GON4L: variants seen among roughly 807,000 people sequenced by gnomAD.
GON4L encodes the protein gon-4 like.
GON4L carries 87 observed loss-of-function variants against 211.8 expected under a neutral mutation model. That is an observed-to-expected ratio of 0.41 (90% CI 0.35 to 0.49). The LOEUF is 0.49. Ranked by LOEUF, GON4L falls within the 20% of genes least tolerant of loss-of-function variation. The probability of loss-of-function intolerance (pLI) is 0.15; values close to 1 mark genes in which losing one functional copy is unlikely to be tolerated. For missense variants in GON4L, 2,155 were observed against 2,659.5 expected (o/e 0.81, Z 4.17); for synonymous variants, 875 against 962.6 (o/e 0.91, Z 1.68).
intron 11 of GON4L, among the ~76,000 whole-genome samples, chr1:155,802,991 T>G (rs1666814070): frequency 6.6e-6 from 1 of 152,110 alleles, no homozygotes; most frequent in Non-Finnish European, 1.5e-5. Context: ...ATTGTGAACC[T>G]AACAATGGGC....
At chr1:155,811,385 C>T (rs1667748477) in intron 10 of GON4L, among the ~76,000 whole-genome samples, 1 of 85,526 alleles carries the variant, frequency 1.2e-5, no homozygotes, top group African/African-American at 4.8e-5. Context: ...GAGCAAGACT[C>T]CGTCTCAAAA....
At chr1:155,794,376 A>T (rs1314117964) in intron 12 of GON4L, among the ~76,000 whole-genome samples, 1 of 152,008 alleles carries the variant, frequency 6.6e-6, no homozygotes, top group African/African-American at 2.4e-5. Context: ...CCGCCCTTAA[A>T]CCTCATTTTG....
chr1:155,750,823 G>A, intron 31 of GON4L, 90 bp from the exon 32 acceptor site: 1 of 1,277,074 alleles, frequency 7.8e-7, no homozygotes, highest in South Asian at 1.3e-5. Flanking sequence ...GAGTGCAGTG[G>A]CACTGTGTCA....
At chr1:155,824,762 C>CAA (rs58791710) in intron 3 of GON4L, among the ~76,000 whole-genome samples, 13 of 52,058 alleles carry the variant, frequency 2.5e-4, no homozygotes, top group East Asian at 7.2e-4. Flanking sequence ...GACTCTGTCG[C>CAA]AAAAAAAAAA....
At chr1:155,768,372 A>G (rs60985822) in intron 19 of GON4L, among the ~76,000 whole-genome samples, 2,161 of 146,934 alleles carry the variant, frequency 0.015, 61 homozygotes, top group African/African-American at 0.052. Flanking sequence ...GCACTTTGGG[A>G]GGTTGAGGTG....
At chr1:155,761,312 C>T (rs1033257287) in intron 23 of GON4L, among the ~76,000 whole-genome samples, 1 of 150,420 alleles carries the variant, frequency 6.6e-6, no homozygotes, top group Non-Finnish European at 1.5e-5. Context: ...TCCCAAAGTA[C>T]CTAGGACCAC....
downstream of GON4L, chr1:155,748,117 T>C: frequency 6.2e-7 from 1 of 1,600,304 alleles, no homozygotes; most frequent in South Asian, 1.1e-5. Context: ...TTCCCTTACC[T>C]GCATTATGAT....
upstream of GON4L, among the ~76,000 whole-genome samples, chr1:155,859,105 C>CA (rs1232406779): frequency 7.4e-5 from 11 of 148,588 alleles, no homozygotes; most frequent in East Asian, 3.9e-4. Flanking sequence ...AAATATAAGC[C>CA]AAAAAAAAAA....
intron 10 of GON4L, among the ~76,000 whole-genome samples, chr1:155,811,115 A>C (rs1248712613): frequency 6.6e-6 from 1 of 152,132 alleles, no homozygotes. Flanking sequence ...AAATCAGGCC[A>C]AGCGTGGTGG....
chr1:155,782,090 C>A (rs1251475566), intron 14 of GON4L, among the ~76,000 whole-genome samples: 1 of 152,194 alleles, frequency 6.6e-6, no homozygotes, highest in East Asian at 1.9e-4. Flanking sequence ...ACTTGGATAA[C>A]TGACAAGGGA....
intron 10 of GON4L, among the ~76,000 whole-genome samples, chr1:155,808,515 A>AATG (rs1428870233): frequency 6.6e-6 from 1 of 152,146 alleles, no homozygotes. Flanking sequence ...AGCGACTTAG[A>AATG]ATGTGCTGTT....
At position 155,762,329 on chromosome 1, in the gene GON4L, G is replaced by A; in HGVS notation, c.4772C>T (p.Ala1591Val). The A allele has an allele frequency of 1.9e-6, 3 of 1,613,652 alleles. No homozygotes were observed. Among genetic ancestry groups the A allele is most frequent in the Non-Finnish European group, 2.5e-6 (3 of 1,179,628 alleles). ...AGCCCGACTTCCCCGCTTGTTGCGA[G>A]CTCGATGATTGTTCCGGCCTTTTCC... is the stretch of plus-strand genomic sequence containing the variant. ...AAGKGRNNHR[A>V]RNKRGSRARA... is the part of the protein sequence containing the mutation. Residue 1591 changes from alanine to valine, a missense_variant, in exon 23 of 32, where the codon GCT becomes GTT. By Grantham distance (64) the Ala-to-Val change is moderately conservative. Around this residue, in one of 6 missense-constraint regions of GON4L, gnomAD observed 455 missense variants for 504.6 expected, o/e 0.90. Transcript: ENST00000368331.
At chr1:155,750,773 T>C in intron 31 of GON4L, 40 bp from the exon 32 acceptor site, 1 of 1,549,546 alleles carries the variant, frequency 6.5e-7, no homozygotes, top group South Asian at 1.2e-5. Context: ...GTCTTTTTTT[T>C]TTGTTTTTGA....
At chr1:155,763,589 T>C in intron 21 of GON4L, 25 bp from the exon 22 acceptor site, 1 of 1,520,312 alleles carries the variant, frequency 6.6e-7, no homozygotes, top group African/African-American at 1.4e-5. Flanking sequence ...AAAGAGTACT[T>C]ATAATGGCTC....
intron 12 of GON4L, among the ~76,000 whole-genome samples, chr1:155,793,658 G>C (rs531773314): frequency 1.3e-5 from 2 of 152,268 alleles, no homozygotes; most frequent in South Asian, 2.1e-4. Context: ...ACCAAGGCTG[G>C]AGTGCAGTGG....
chr1:155,822,538 GA>G, intron 3 of GON4L, 62 bp from the exon 4 acceptor site: 1 of 1,237,244 alleles, frequency 8.1e-7, no homozygotes, highest in Non-Finnish European at 1.2e-6. Flanking sequence ...ACTTAGCCCA[GA>G]AAGCCAACAG....
intron 2 of GON4L, among the ~76,000 whole-genome samples, chr1:155,835,920 C>T (rs1670249444): frequency 6.6e-6 from 1 of 152,172 alleles, no homozygotes; most frequent in African/African-American, 2.4e-5. Flanking sequence ...CCAAAAGGAA[C>T]TGAGGGAGAC....
In GON4L at chr1:155,822,670, T is replaced by C. The variant is rs114067152; in HGVS notation, c.698-194A>G. Among the ~76,000 whole-genome samples the C allele has an allele frequency of 5.8e-3, 890 of 152,224 alleles. 14 individuals carry two copies. The highest frequency in any genetic ancestry group is 0.021 in the African/African-American group (870 of 41,522). On this transcript the variant is annotated intron_variant, in intron 3 of 31. Coordinates refer to ENST00000368331, the MANE Select transcript of GON4L (RefSeq NM_001282860.2). ...CATAGAAGATGCAAAACTATGGAAA[T>C]AGAAATCAGTGCTTGCCAATGTTTG...
In GON4L at chr1:155,751,651, C is replaced by G. The variant is rs1660599782; in HGVS notation, c.6576+116G>C. The G allele has an allele frequency of 8.3e-6, 6 of 723,022 alleles. No individual in the cohort carries two copies. In the South Asian group the frequency reaches 9.9e-5, roughly 12 times the overall value. The allele number at this position is 723,022 out of a possible 1,614,324, so 44.8% of individuals were successfully genotyped here. Reference sequence around the variant, plus strand: ...GAGTCAAGCCTTTCCTTAGATCAAACCTTTACAAAAACCACTTATTATCTT... The same window carrying G: ...GAGTCAAGCCTTTCCTTAGATCAAAGCTTTACAAAAACCACTTATTATCTT... On this transcript the variant is annotated intron_variant, in intron 31 of 31. Transcript: ENST00000368331.
Sources: allele counts gnomAD v4.1 joint callset (sites outside exome capture counted in the v4.1 genomes callset), GRCh38; gene constraint gnomAD v4.1.1; regional missense constraint gnomAD v4.1.1; transcripts MANE v1.5; gene names NCBI Gene and HGNC (gene_info 2026-07-23, HGNC 2026-07-21).